The following GOLGA4 variants were observed in gnomAD, a reference collection of about 807,000 sequenced individuals.
The protein encoded by GOLGA4 is golgin subfamily A member 4.
Under a neutral mutation model 265.9 loss-of-function variants are expected in GOLGA4, and 169 were observed. That is an observed-to-expected ratio of 0.64 (90% CI 0.56 to 0.72). The LOEUF (loss-of-function observed/expected upper bound fraction) is 0.72. Among genes scored for constraint, GOLGA4 ranks in the 30% least tolerant of loss-of-function variants. The probability of loss-of-function intolerance (pLI) is 0.00; values close to 1 mark genes in which losing one functional copy is unlikely to be tolerated. For synonymous variants in GOLGA4, 923 were observed against 855.8 expected, an observed-to-expected ratio of 1.08 and a Z score of -1.37; for missense variants, 2,482 against 2,483.4, an observed-to-expected ratio of 1.00 and a Z score of 0.01.
At chr3:37,329,191 G>A (rs571603921) in intron 16 of GOLGA4, 98 bp downstream of exon 16, 120 of 1,002,940 alleles carry the variant, frequency 1.2e-4, no homozygotes, top group South Asian at 4.9e-4. Flanking sequence ...TTTTTTGAAC[G>A]AAAAGGGTTT....
intron 5 of GOLGA4, among the ~76,000 whole-genome samples, chr3:37,293,723 C>T (rs527400479): frequency 6.6e-6 from 1 of 152,262 alleles, no homozygotes; most frequent in Admixed American, 6.5e-5. Flanking sequence ...CTGTAATTGA[C>T]AGGAGTGTAG....
At chr3:37,254,553 G>C (rs1027975820) in intron 2 of GOLGA4, among the ~76,000 whole-genome samples, 1 of 150,676 alleles carries the variant, frequency 6.6e-6, no homozygotes, top group African/African-American at 2.5e-5. Context: ...AAAGTCGCCA[G>C]GCTGGAGTTC....
In GOLGA4 at chr3:37,325,940, A is replaced by G. The variant is rs373530993; in HGVS notation, c.4054A>G (p.Ile1352Val). The change falls in exon 14 of 24, where the codon ATC becomes GTC. Residue 1352 changes from isoleucine (I) to valine (V), a missense_variant. By Grantham distance (29) the Ile-to-Val change is conservative. Coordinates refer to ENST00000361924, the MANE Select transcript of GOLGA4 (RefSeq NM_002078.5). The stretch of plus-strand genomic sequence containing the variant: ...GTTGAAGAAAGAGTTATCTGAAAAC[A>G]TCAATGCTGTCACATTGATGAAAGA... ...TQLKKELSENINAVTLMKEEL... is the reference protein window; with the variant it reads ...TQLKKELSENVNAVTLMKEEL... 24 of 1,612,464 alleles carry G rather than the reference A, an allele frequency of 1.5e-5. No individual in the cohort carries two copies. The South Asian group carries it at 2.2e-4, about 15-fold the overall frequency.
intron 16 of GOLGA4, among the ~76,000 whole-genome samples, chr3:37,331,173 C>T (rs931510202): frequency 6.6e-6 from 1 of 151,738 alleles, no homozygotes; most frequent in African/African-American, 2.4e-5. Context: ...AACCAAAATA[C>T]TATCATTTCA....
chr3:37,245,675 T>C (rs1185625256), intron 1 of GOLGA4, among the ~76,000 whole-genome samples: 1 of 152,148 alleles, frequency 6.6e-6, no homozygotes, highest in Admixed American at 6.6e-5. Flanking sequence ...GCTTAATGCT[T>C]CTGGTGAGAC....
At chr3:37,251,058 T>G (rs1412108053) in intron 1 of GOLGA4, among the ~76,000 whole-genome samples, 1 of 151,704 alleles carries the variant, frequency 6.6e-6, no homozygotes, top group African/African-American at 2.4e-5. Flanking sequence ...GTGCAGAGAG[T>G]TTTTATATAC....
chr3:37,295,025 T>A lies in GOLGA4; in HGVS notation c.629T>A (p.Phe210Tyr), dbSNP rs756927634. 6.2e-7 allele frequency: 1 copy of A among 1,610,882 alleles called. No individual in the cohort carries two copies. The highest frequency in any genetic ancestry group is 2.2e-5 in the East Asian group (1 of 44,788). ...GCAAAGAAACATCTGCAAGAGGAGT[T>A]TGATGCATCTTTAGAGGAGAAAGAT... The part of the protein sequence containing the change: ...QQAKKHLQEE[F>Y]DASLEEKDQY... The change falls in exon 6 of 24, where the codon TTT (phenylalanine) becomes TAT (tyrosine). Residue 210 changes from phenylalanine to tyrosine, a missense_variant. Phe to Tyr is a conservative substitution (Grantham distance 22). Transcript: ENST00000361924.
At chr3:37,243,665 T>C in intron 1 of GOLGA4, 43 bp downstream of exon 1, 1 of 1,500,628 alleles carries the variant, frequency 6.7e-7, no homozygotes, top group Non-Finnish European at 9.3e-7. Flanking sequence ...CGAATACCTC[T>C]TGAACCGGCC....
In GOLGA4 at chr3:37,299,296, T is replaced by A; in HGVS notation, c.1011T>A (p.His337Gln). Residue 337 changes from histidine to glutamine, a missense_variant, in exon 9 of 24, where the codon CAT becomes CAA. His to Gln is a conservative substitution (Grantham distance 24). Coordinates refer to ENST00000361924, the MANE Select transcript of GOLGA4 (RefSeq NM_002078.5). ...TTAAAAATTTTTTTTAGGACCTTCA[T>A]ATGGCCGAGAAGACTAAACTTATCA... ...LQELEKIKDLHMAEKTKLITQ... is the reference protein window; with the variant it reads ...LQELEKIKDLQMAEKTKLITQ... 6.2e-7 allele frequency: 1 copy of A among 1,609,846 alleles called. No homozygotes were observed.
At chr3:37,355,937 C>T (rs1391661291) in intron 22 of GOLGA4, among the ~76,000 whole-genome samples, 5 of 152,032 alleles carry the variant, frequency 3.3e-5, no homozygotes, top group Non-Finnish European at 7.4e-5. Flanking sequence ...CCTATTTCAT[C>T]ATACCAGCAC....
intron 6 of GOLGA4, 116 bp from the exon 7 acceptor site, chr3:37,295,971 C>T (rs145347994): frequency 1.8e-4 from 147 of 816,420 alleles, no homozygotes; most frequent in African/African-American, 1.5e-3. Flanking sequence ...TGAGCTCCTG[C>T]GGATTTTGGT....
chr3:37,275,215 C>CAAAAAAAAAAAAAAAAAAAAAAAAAAAAA (rs749758741), intron 2 of GOLGA4, among the ~76,000 whole-genome samples: 2 of 44,960 alleles, frequency 4.4e-5, no homozygotes, highest in Admixed American at 3.5e-4. Flanking sequence ...GACTCCGTCT[C>CAAAAAAAAAAAAAAAAAAAAAAAAAAAAA]AAAAAAAAAA....
intron 17 of GOLGA4, among the ~76,000 whole-genome samples, chr3:37,335,898 T>C (rs1260106180): frequency 6.6e-6 from 1 of 152,216 alleles, no homozygotes; most frequent in Non-Finnish European, 1.5e-5. Flanking sequence ...TGTACGTTTC[T>C]ACTGCCTAAA....
intron 2 of GOLGA4, among the ~76,000 whole-genome samples, chr3:37,280,300 C>T (rs955175678): frequency 6.6e-6 from 1 of 152,080 alleles, no homozygotes; most frequent in African/African-American, 2.4e-5. Flanking sequence ...ATGGTGGTGC[C>T]AGACAACCAT....
intron 20 of GOLGA4, among the ~76,000 whole-genome samples, chr3:37,340,437 G>T (rs559389342): frequency 2.0e-5 from 3 of 151,834 alleles, no homozygotes; most frequent in South Asian, 2.1e-4. Context: ...TACCTTTTTT[G>T]TGTGTGTGTG....
At position 37,363,208 on chromosome 3, in the gene GOLGA4, A is replaced by G. The variant is rs188335485; in HGVS notation, c.*33+1903A>G. ...TCTTATTTTTGTCATCCACATTACA[A>G]TGGCTGGCAGTACAATGCATGGTTT... On this transcript the variant is annotated intron_variant, in intron 23 of 23. Transcript: ENST00000361924. 1.7e-4 allele frequency among the ~76,000 whole-genome samples: 26 copies of G among 152,314 alleles called. No homozygotes were observed. In the East Asian group the frequency reaches 5.0e-3, roughly 29 times the overall value.
In GOLGA4 at chr3:37,309,187, G is replaced by A. The variant is rs193135452; in HGVS notation, c.1235-6233G>A. Among the ~76,000 whole-genome samples, 1,294 of 151,830 alleles carry A rather than the reference G, an allele frequency of 8.5e-3. 24 individuals carry two copies. The highest frequency in any genetic ancestry group is 0.03 in the African/African-American group (1,233 of 41,386). On this transcript the variant is annotated intron_variant, in intron 10 of 23. Coordinates refer to ENST00000361924, the MANE Select transcript of GOLGA4 (RefSeq NM_002078.5). ...GAATCGCTTGAACCTGGGAGGTGGA[G>A]GTTGCAGTGAGCCAAGATCACGCCA...
chr3:37,280,680 T>G (rs1457403446), intron 2 of GOLGA4, among the ~76,000 whole-genome samples: 1 of 152,222 alleles, frequency 6.6e-6, no homozygotes, highest in Admixed American at 6.5e-5. Flanking sequence ...ATTGTTTATT[T>G]TTAAATTTTT....
chr3:37,271,287 G>A (rs914748499), intron 2 of GOLGA4, among the ~76,000 whole-genome samples: 6 of 152,054 alleles, frequency 3.9e-5, no homozygotes, highest in Admixed American at 2.6e-4. Context: ...GACCTAGAAG[G>A]CATTCATTGT....
Sources: allele counts gnomAD v4.1 joint callset (sites outside exome capture counted in the v4.1 genomes callset), GRCh38; gene constraint gnomAD v4.1.1; transcripts MANE v1.5; gene names NCBI Gene and HGNC (gene_info 2026-07-23, HGNC 2026-07-21).